The following DNAH11 variants were observed in gnomAD, a reference collection of about 807,000 sequenced individuals.
DNAH11 encodes the protein dynein axonemal heavy chain 11.
Under a neutral mutation model 526.0 loss-of-function variants are expected in DNAH11, and 442 were observed. The ratio of observed to expected loss-of-function variants is 0.84; its 90% CI spans 0.78 to 0.91. The LOEUF (loss-of-function observed/expected upper bound fraction) is 0.91. Among genes scored for constraint, DNAH11 ranks in the 40% least tolerant of loss-of-function variants. DNAH11 has a pLI of 0.00. For synonymous variants in DNAH11, 2,461 were observed against 1,935.9 expected (o/e 1.27, Z -7.12); for missense variants, 6,989 against 5,448.7 (o/e 1.28, Z -8.90).
intron 46 of DNAH11, among the ~76,000 whole-genome samples, chr7:21,737,636 A>T (rs763399846): frequency 1.3e-4 from 20 of 152,142 alleles, no homozygotes; most frequent in Non-Finnish European, 2.5e-4. Flanking sequence ...GCAAGTTGGG[A>T]ACATATGGAA....
chr7:21,558,771 A>C, intron 2 of DNAH11, 31 bp from the exon 3 acceptor site: 1 of 1,508,986 alleles, frequency 6.6e-7, no homozygotes. Flanking sequence ...ATTGTCTGTA[A>C]ATTAATTTAA....
At chr7:21,564,793 C>G (rs73682619) in intron 6 of DNAH11, among the ~76,000 whole-genome samples, 377 of 152,006 alleles carry the variant, frequency 2.5e-3, no homozygotes, top group African/African-American at 8.6e-3. Context: ...AAAGAAAATC[C>G]TAAAAAAGTA....
chr7:21,582,703 CAAAG>C (rs1306152097), intron 9 of DNAH11, among the ~76,000 whole-genome samples: 4 of 151,792 alleles, frequency 2.6e-5, no homozygotes, highest in Non-Finnish European at 4.4e-5. Context: ...ACTTGCTTGA[CAAAG>C]AAAAAAATCA....
chr7:21,800,741 G>C (rs543143545), intron 61 of DNAH11, among the ~76,000 whole-genome samples: 1 of 152,332 alleles, frequency 6.6e-6, no homozygotes, highest in South Asian at 2.1e-4. Flanking sequence ...AGAATCCGTG[G>C]GTGGAGAAAC....
intron 55 of DNAH11, among the ~76,000 whole-genome samples, chr7:21,771,315 G>A (rs1408451158): frequency 6.6e-6 from 1 of 152,088 alleles, no homozygotes; most frequent in African/African-American, 2.4e-5. Flanking sequence ...CTGATTTAGT[G>A]CTGACCTCTG....
intron 68 of DNAH11, among the ~76,000 whole-genome samples, chr7:21,858,422 G>A (rs140266663): frequency 1.3e-5 from 2 of 152,322 alleles, no homozygotes; most frequent in African/African-American, 2.4e-5. Flanking sequence ...CTTAACAAAT[G>A]TTCATAGATG....
chr7:21,858,619 A>T (rs1342411318), intron 68 of DNAH11, among the ~76,000 whole-genome samples: 1 of 152,208 alleles, frequency 6.6e-6, no homozygotes, highest in Non-Finnish European at 1.5e-5. Context: ...GATACCGAGG[A>T]GTATATACCA....
At position 21,590,908 on chromosome 7, in the gene DNAH11, A is replaced by T. The variant is rs762557236; in HGVS notation, c.2170-10A>T. 3.6e-6 allele frequency: 5 copies of T among 1,373,530 alleles called. No homozygotes were observed. The highest frequency in any genetic ancestry group is 4.8e-6 in the Non-Finnish European group (5 of 1,049,820). The allele number at this position is 1,373,530 out of a possible 1,614,324, so 85.1% of individuals were successfully genotyped here. ...AATATGCAATAATTTTAATAATTGT[A>T]TTTTAATAGCTAGTGGCTGTATTGA... is the stretch of plus-strand genomic sequence containing the variant. On this transcript the variant is annotated splice_polypyrimidine_tract_variant and intron_variant, in intron 12 of 81. Transcript: ENST00000409508.
chr7:21,838,292 T>G (rs1782070041), intron 65 of DNAH11, among the ~76,000 whole-genome samples: 1 of 152,246 alleles, frequency 6.6e-6, no homozygotes, highest in Admixed American at 6.5e-5. Flanking sequence ...AGAAACTGTA[T>G]TAGCATGGTA....
chr7:21,578,989 A>G (rs1040234691), intron 8 of DNAH11, among the ~76,000 whole-genome samples: 1 of 152,140 alleles, frequency 6.6e-6, no homozygotes, highest in African/African-American at 2.4e-5. Flanking sequence ...TCTCACAACA[A>G]CCATCCAGTT....
chr7:21,792,198 C>G (rs1027716333), intron 61 of DNAH11, among the ~76,000 whole-genome samples: 1 of 152,126 alleles, frequency 6.6e-6, no homozygotes, highest in Non-Finnish European at 1.5e-5. Context: ...TCTTTATTCT[C>G]TTAATGAGAT....
chr7:21,669,669 G>A (rs577856418), intron 30 of DNAH11, among the ~76,000 whole-genome samples: 1 of 151,596 alleles, frequency 6.6e-6, no homozygotes, highest in African/African-American at 2.4e-5. Context: ...GTGTGTGTGT[G>A]TGTGTGTGTA....
In DNAH11 at chr7:21,591,042, A is replaced by T; in HGVS notation, c.2274+20A>T. On this transcript the variant is annotated intron_variant, in intron 13 of 81. Coordinates refer to ENST00000409508, the MANE Select transcript of DNAH11 (RefSeq NM_001277115.2). ...TTAAAGGTTTGTGATTTTTGTTAAA[A>T]AAAAGATACTAGGGCCTATTATGAA... 6.9e-7 allele frequency: 1 copy of T among 1,451,282 alleles called. No homozygotes were observed. Among genetic ancestry groups the T allele is most frequent in the East Asian group, 2.7e-5 (1 of 37,638 alleles). 89.9% of individuals were successfully genotyped at this position (1,451,282 alleles called of 1,614,324 possible).
Position 21,866,666 on chromosome 7 carries a change from G to C in DNAH11, c.11690+3G>C. ...GACAGAATGACGTATGCTCTCAGGT[G>C]GGGTGGTCAGCATTTTTGGAAACAT... On this transcript the variant is annotated splice_donor_region_variant and intron_variant, in intron 71 of 81. Transcript: ENST00000409508. The C allele has an allele frequency of 6.2e-7, 1 of 1,602,496 alleles. No homozygotes were observed. The highest frequency in any genetic ancestry group is 8.5e-7 in the Non-Finnish European group (1 of 1,174,980).
intron 76 of DNAH11, among the ~76,000 whole-genome samples, chr7:21,889,312 T>C (rs577898398): frequency 1.2e-4 from 18 of 152,350 alleles, no homozygotes; most frequent in African/African-American, 4.3e-4. Context: ...GACATTTGGG[T>C]TGTTTCTCCT....
At chr7:21,616,077 C>A in intron 21 of DNAH11, 132 bp from the exon 22 acceptor site, 1 of 676,506 alleles carries the variant, frequency 1.5e-6, no homozygotes, top group Non-Finnish European at 2.5e-6. Context: ...TTGACAAGTG[C>A]AGTTAATATT....
intron 44 of DNAH11, among the ~76,000 whole-genome samples, chr7:21,725,120 A>C (rs920589193): frequency 1.3e-5 from 2 of 152,230 alleles, no homozygotes; most frequent in Admixed American, 6.5e-5. Flanking sequence ...CCTCCCAGTA[A>C]AGAGAGCCTG....
intron 74 of DNAH11, among the ~76,000 whole-genome samples, chr7:21,877,800 G>A (rs552254752): frequency 2.0e-5 from 3 of 149,764 alleles, no homozygotes; most frequent in South Asian, 4.3e-4. Flanking sequence ...GCATGAACCC[G>A]GGAGGCAGAG....
chr7:21,875,209 T>A (rs911611357), intron 74 of DNAH11, among the ~76,000 whole-genome samples: 5 of 152,168 alleles, frequency 3.3e-5, no homozygotes, highest in Non-Finnish European at 1.5e-5. Context: ...ATGACAGACA[T>A]ATATGTTTTT....
Sources: allele counts gnomAD v4.1 joint callset (sites outside exome capture counted in the v4.1 genomes callset), GRCh38; gene constraint gnomAD v4.1.1; transcripts MANE v1.5; gene names NCBI Gene and HGNC (gene_info 2026-07-23, HGNC 2026-07-21).